The following ATP6V0D1 variants were observed in gnomAD, a reference collection of about 807,000 sequenced individuals.
ATP6V0D1 encodes V-type proton ATPase subunit d 1.
Under a neutral mutation model 39.0 loss-of-function variants are expected in ATP6V0D1, and 13 were observed. The ratio of observed to expected loss-of-function variants is 0.33; its 90% CI spans 0.22 to 0.53. ATP6V0D1 has a LOEUF of 0.53. ATP6V0D1 is among the 20% of genes least tolerant of loss of function. The probability of loss-of-function intolerance (pLI) is 0.94; values close to 1 mark genes in which losing one functional copy is unlikely to be tolerated. For synonymous variants in ATP6V0D1, 191 were observed against 191.2 expected, an observed-to-expected ratio of 1.00 and a Z score of 0.01; for missense variants, 272 against 470.9, an observed-to-expected ratio of 0.58 and a Z score of 3.91.
chr16:67,475,990 G>A (rs1364352991), intron 1 of ATP6V0D1, among the ~76,000 whole-genome samples: 5 of 152,188 alleles, frequency 3.3e-5, no homozygotes, highest in African/African-American at 1.2e-4. Flanking sequence ...AGCACTTTGG[G>A]AGGCCGAGGT....
At position 67,439,288 on chromosome 16, in the gene ATP6V0D1, A is replaced by C. The variant is rs1178183191; in HGVS notation, c.625T>G (p.Cys209Gly). The C allele has an allele frequency of 6.2e-7, 1 of 1,614,134 alleles. No individual in the cohort carries two copies. Among genetic ancestry groups the C allele is most frequent in the Admixed American group, 1.7e-5 (1 of 60,028 alleles). The change falls in exon 5 of 8, where the codon TGC (cysteine) becomes GGC (glycine). Residue 209 changes from cysteine to glycine, a missense_variant. This residue lies in a region of ATP6V0D1 where 135 missense variants were observed against 273.8 expected (regional missense o/e 0.49). Transcript: ENST00000290949. ...CAGGCACTCACCTCCAGGATGGGGC[A>C]CATGGCATCAGCCGTAGTCCCGCCC... ...LLGGTTADAMCPILEFEADRR... is the reference protein window; with the variant it reads ...LLGGTTADAMGPILEFEADRR...
rs2041469894 is a variant in ATP6V0D1, at chr16:67,480,998, T to C, written c.89A>G (p.Gln30Arg). 3 of 1,614,050 alleles carry C rather than the reference T, an allele frequency of 1.9e-6. No individual in the cohort carries two copies. The highest frequency in any genetic ancestry group is 4.5e-5 in the East Asian group (2 of 44,892). The change falls in exon 1 of 8, where the codon CAG (glutamine) becomes CGG (arginine). Residue 30 changes from glutamine to arginine, a missense_variant. Gln to Arg is a conservative substitution (Grantham distance 43, BLOSUM62 1). Transcript: ENST00000290949. Reference protein sequence around the residue: ...VRGLKAGVLSQADYLNLVQCE... With the variant: ...VRGLKAGVLSRADYLNLVQCE... The stretch of plus-strand genomic sequence containing the variant: ...CTGCACCAGGTTGAGGTAGTCGGCC[T>C]GGCTGAGCACCCCGGCCTTCAGGCC...
chr16:67,438,326 G>T lies in ATP6V0D1; in HGVS notation c.*202C>A. 3.1e-6 allele frequency: 2 copies of T among 636,128 alleles called. No individual in the cohort carries two copies. 39.4% of individuals were successfully genotyped at this position (636,128 alleles called of 1,614,324 possible). ...TCTTCGTCCATCCTTGGTGGGGGGG[G>T]GTGCCCAGCCCCTTTTCAGGCCTAA... is the stretch of plus-strand genomic sequence containing the variant. On this transcript the variant is annotated 3_prime_UTR_variant, in exon 8 of 8. Coordinates refer to ENST00000290949, the MANE Select transcript of ATP6V0D1 (RefSeq NM_004691.5).
chr16:67,441,590 TCTCTC>T (rs967525892), intron 4 of ATP6V0D1: 25 of 152,264 alleles, frequency 1.6e-4, no homozygotes, highest in African/African-American at 5.8e-4. Flanking sequence ...GTGTATGCTC[TCTCTC>T]CTCTCAGCTA....
chr16:67,473,892 T>C (rs1415951286), intron 1 of ATP6V0D1, among the ~76,000 whole-genome samples: 1 of 152,174 alleles, frequency 6.6e-6, no homozygotes, highest in Non-Finnish European at 1.5e-5. Context: ...ACTGACCTTG[T>C]GATCCCCCCG....
At chr16:67,457,504 G>C (rs2041249567) in intron 1 of ATP6V0D1, 4 of 1,152,638 alleles carry the variant, frequency 3.5e-6, no homozygotes, top group Non-Finnish European at 4.6e-6. Flanking sequence ...AGAGGGGTGG[G>C]AGAAGCCAGG....
Position 67,453,780 on chromosome 16 carries a change from C to T in ATP6V0D1, c.131-65G>A. 6.6e-7 allele frequency: 1 copy of T among 1,516,442 alleles called. No individual in the cohort carries two copies. The highest frequency in any genetic ancestry group is 9.0e-7 in the Non-Finnish European group (1 of 1,107,524). The allele number at this position is 1,516,442 out of a possible 1,614,324, so 93.9% of individuals were successfully genotyped here. On this transcript the variant is annotated intron_variant, in intron 1 of 7. Coordinates refer to ENST00000290949, the MANE Select transcript of ATP6V0D1 (RefSeq NM_004691.5). This position sits in a 1 kb window ranked among gnomAD's most constrained non-coding sequence, Gnocchi z 4.1. ...GGCCTCCCCAAGGGTCCCAAGTCCC[C>T]ATCCCCACCCCAACTCAGCCCCAGC... is the stretch of plus-strand genomic sequence containing the variant.
intron 2 of ATP6V0D1, among the ~76,000 whole-genome samples, chr16:67,448,917 G>A (rs2041147331): frequency 6.6e-6 from 1 of 152,196 alleles, no homozygotes; most frequent in African/African-American, 2.4e-5. Context: ...CCCAACTGCA[G>A]AGTCCTGCCA....
At chr16:67,464,408 A>G (rs544945942) in intron 1 of ATP6V0D1, among the ~76,000 whole-genome samples, 1 of 152,316 alleles carries the variant, frequency 6.6e-6, no homozygotes, top group African/African-American at 2.4e-5. Context: ...CTTGGGCCTT[A>G]CCTTGGACCC....
intron 2 of ATP6V0D1, among the ~76,000 whole-genome samples, chr16:67,449,863 C>A (rs1180532826): frequency 6.6e-6 from 1 of 152,236 alleles, no homozygotes; most frequent in East Asian, 1.9e-4. Context: ...CCAGGACCTA[C>A]GAAAGCAGTG....
intron 1 of ATP6V0D1, among the ~76,000 whole-genome samples, chr16:67,469,373 C>G (rs2041355000): frequency 6.6e-6 from 1 of 151,984 alleles, no homozygotes; most frequent in East Asian, 1.9e-4. Flanking sequence ...CAAGATGTAA[C>G]CAACAAAGGG....
intron 1 of ATP6V0D1, among the ~76,000 whole-genome samples, chr16:67,472,086 C>G (rs2041378055): frequency 6.6e-6 from 1 of 152,194 alleles, no homozygotes; most frequent in Admixed American, 6.5e-5. Flanking sequence ...AGCCTCCATT[C>G]CTGCTCTGGG....
At chr16:67,475,321 A>C (rs1348097366) in intron 1 of ATP6V0D1, among the ~76,000 whole-genome samples, 2 of 152,258 alleles carry the variant, frequency 1.3e-5, no homozygotes, top group African/African-American at 4.8e-5. Flanking sequence ...CGATTGGCCA[A>C]GTCCAGCCTG....
chr16:67,458,999 C>T (rs746095816), intron 1 of ATP6V0D1: 79 of 950,572 alleles, frequency 8.3e-5, no homozygotes, highest in Admixed American at 3.7e-4. Context: ...TTGAATGGTT[C>T]GCTGTCACCT....
intron 2 of ATP6V0D1, chr16:67,452,546 T>C: frequency 5.3e-6 from 4 of 748,014 alleles, no homozygotes; most frequent in Admixed American, 2.0e-5. Flanking sequence ...CAAGGAATGG[T>C]AAAAGTTAGA....
At chr16:67,464,477 C>A (rs16957456) in intron 1 of ATP6V0D1, among the ~76,000 whole-genome samples, 3,858 of 152,346 alleles carry the variant, frequency 0.025, 48 homozygotes, top group Middle Eastern at 0.041. Flanking sequence ...CCAGCTATGA[C>A]ACTGTTCTAG....
rs2041005860 is a variant in ATP6V0D1 at position 67,438,620 on chromosome 16, T to G, written c.964A>C (p.Lys322Gln). 6.2e-7 allele frequency: 1 copy of G among 1,614,234 alleles called. No homozygotes were observed. The highest frequency in any genetic ancestry group is 8.5e-7 in the Non-Finnish European group (1 of 1,180,036). Reference protein sequence around the residue: ...FGVFYAFVKLKEQECRNIVWI... With the variant: ...FGVFYAFVKLQEQECRNIVWI... ...ACGATGTTGCGACACTCCTGCTCCTTGAGCTTCACGAAGGCATAGAAGACA... is the reference window on the plus strand; with the variant it reads ...ACGATGTTGCGACACTCCTGCTCCTGGAGCTTCACGAAGGCATAGAAGACA... Residue 322 changes from lysine (K) to glutamine (Q), a missense_variant, in exon 8 of 8, where the codon AAG becomes CAG. Physicochemically the swap from Lys to Gln is moderately conservative, Grantham distance 53. Coordinates refer to ENST00000290949, the MANE Select transcript of ATP6V0D1 (RefSeq NM_004691.5).
rs528807870 is a variant in ATP6V0D1, at chr16:67,480,832, C to T, written c.130+125G>A. 269 of 1,373,600 alleles carry T rather than the reference C, an allele frequency of 2.0e-4. 1 individual carries two copies. The highest frequency in any genetic ancestry group is 1.5e-3 in the Middle Eastern group (6 of 4,068). 85.1% of individuals were successfully genotyped at this position (1,373,600 alleles called of 1,614,324 possible). Reference sequence around the variant, plus strand: ...CCCGCTCCTGCGCGTCCGCTATCAGCCCCAGGATTCCCAGAGAGGCCTCTC... The same window carrying T: ...CCCGCTCCTGCGCGTCCGCTATCAGTCCCAGGATTCCCAGAGAGGCCTCTC... On this transcript the variant is annotated intron_variant, in intron 1 of 7. Transcript: ENST00000290949.
chr16:67,480,909 T>A, intron 1 of ATP6V0D1, 48 bp downstream of exon 1: 1 of 1,607,328 alleles, frequency 6.2e-7, no homozygotes, highest in Non-Finnish European at 8.5e-7. Flanking sequence ...CTCTGAACCC[T>A]CAGGCCCCGG....
Sources: allele counts gnomAD v4.1 joint callset (sites outside exome capture counted in the v4.1 genomes callset), GRCh38; gene constraint gnomAD v4.1.1; regional missense constraint gnomAD v4.1.1; non-coding constraint Gnocchi (gnomAD v3.1); transcripts MANE v1.5; gene names NCBI Gene and HGNC (gene_info 2026-07-23, HGNC 2026-07-21).